Variants in PIGH observed in about 807,000 individuals in gnomAD.
The protein encoded by PIGH is phosphatidylinositol N-acetylglucosaminyltransferase subunit H.
A neutral mutation model predicts 20.1 loss-of-function variants in PIGH; 11 were observed. The ratio of observed to expected loss-of-function variants is 0.55; its 90% CI spans 0.34 to 0.91. The LOEUF (loss-of-function observed/expected upper bound fraction) is 0.91, where lower values mean the gene tolerates loss of function less well. Among genes scored for constraint, PIGH ranks in the 40% least tolerant of loss-of-function variants. The pLI, the probability that PIGH is intolerant of heterozygous loss-of-function variation, is 0.02. For missense variants in PIGH, 189 were observed against 233.6 expected, an observed-to-expected ratio of 0.81 and a Z score of 1.24; for synonymous variants, 72 against 93.1, an observed-to-expected ratio of 0.77 and a Z score of 1.31.
intron 1 of PIGH, among the ~76,000 whole-genome samples, chr14:67,594,328 A>G (rs533554815): frequency 1.3e-5 from 2 of 152,080 alleles, no homozygotes; most frequent in South Asian, 4.2e-4. Flanking sequence ...TAGCTTGGGT[A>G]CCAGCATAAG....
intron 1 of PIGH, among the ~76,000 whole-genome samples, chr14:67,594,709 A>T (rs145744738): frequency 1.3e-5 from 2 of 152,104 alleles, no homozygotes; most frequent in African/African-American, 4.8e-5. Flanking sequence ...TACAGGAGGG[A>T]GTTATGTCCT....
Position 67,589,915 on chromosome 14 carries a change from T to C in PIGH, c.*165A>G, listed in dbSNP as rs920338174. ...AACACTATAATACACGGAAATATAC[T>C]GAGTTAGATTTCCAGTCACCTGCTC... On this transcript the variant is annotated 3_prime_UTR_variant, in exon 4 of 4. Transcript: ENST00000216452. The C allele has an allele frequency of 1.5e-6, 2 of 1,293,220 alleles. No individual in the cohort carries two copies. Among genetic ancestry groups the C allele is most frequent in the Non-Finnish European group, 9.8e-7 (1 of 1,020,114 alleles). 80.1% of individuals were successfully genotyped at this position (1,293,220 alleles called of 1,614,324 possible).
rs114102134 is a variant in PIGH, at chr14:67,590,958, T to C, written c.475-786A>G. Among the ~76,000 whole-genome samples, 618 of 152,158 alleles carry C rather than the reference T, an allele frequency of 4.1e-3. 6 individuals carry two copies. The highest frequency in any genetic ancestry group is 0.014 in the African/African-American group (595 of 41,498). ...AGAAGTGCAGTTTAATATGTAAATA[T>C]TGAAAAATGTTTTACACAATGAAAT... is the stretch of plus-strand genomic sequence containing the variant. On this transcript the variant is annotated intron_variant, in intron 3 of 3. Coordinates refer to ENST00000216452, the MANE Select transcript of PIGH (RefSeq NM_004569.5).
In PIGH at chr14:67,592,721, G is replaced by T; in HGVS notation, c.391-3C>A. 1 of 1,570,272 alleles carries T rather than the reference G, an allele frequency of 6.4e-7. No homozygotes were observed. On this transcript the variant is annotated splice_region_variant and splice_polypyrimidine_tract_variant and intron_variant, in intron 2 of 3. Coordinates refer to ENST00000216452, the MANE Select transcript of PIGH (RefSeq NM_004569.5). ...CAGAGGTAGTAAATCACCTTCTGCT[G>T]TAAGAAAATAAATCAAATAGCAAAG...
At chr14:67,595,622 G>T (rs1270705130) in intron 1 of PIGH, among the ~76,000 whole-genome samples, 1 of 152,192 alleles carries the variant, frequency 6.6e-6, no homozygotes, top group East Asian at 1.9e-4. Flanking sequence ...TCTGCTGGAG[G>T]GGCTTCTGGA....
In PIGH at chr14:67,592,621, T is replaced by C. The variant is rs746644168; in HGVS notation, c.474+14A>G. 3 of 1,512,018 alleles carry C rather than the reference T, an allele frequency of 2.0e-6. No individual in the cohort carries two copies. The highest frequency in any genetic ancestry group is 3.4e-5 in the Admixed American group (2 of 59,370). 93.7% of individuals were successfully genotyped at this position (1,512,018 alleles called of 1,614,324 possible). Reference sequence around the variant, plus strand: ...AGGAGTAATTGGAGAATGGTAAAAGTATTCTATGCTCACCTGGAAGACGGG... The same window carrying C: ...AGGAGTAATTGGAGAATGGTAAAAGCATTCTATGCTCACCTGGAAGACGGG... On this transcript the variant is annotated intron_variant, in intron 3 of 3. Transcript: ENST00000216452.
At chr14:67,592,934 C>G (rs1299245918) in intron 2 of PIGH, among the ~76,000 whole-genome samples, 1 of 152,098 alleles carries the variant, frequency 6.6e-6, no homozygotes, top group Non-Finnish European at 1.5e-5. Flanking sequence ...TACAGGCGCT[C>G]GCCACCATGC....
chr14:67,600,093 C>G lies in PIGH; in HGVS notation c.111G>C (p.Ser37=). 1 of 1,595,174 alleles carries G rather than the reference C, an allele frequency of 6.3e-7. No homozygotes were observed. Among genetic ancestry groups the G allele is most frequent in the Non-Finnish European group, 8.5e-7 (1 of 1,171,258 alleles). ...REFCLSCPRL[S]LRSLTAVTCT... Reference sequence around the variant, plus strand: ...AGGTGACAGCGGTGAGCGAACGCAGCGAGAGCCGAGGGCAGCTGAGGCAGA... The same window carrying G: ...AGGTGACAGCGGTGAGCGAACGCAGGGAGAGCCGAGGGCAGCTGAGGCAGA... The change falls in exon 1 of 4, where the codon TCG becomes TCC. Residue 37 remains serine (S), a synonymous_variant. Transcript: ENST00000216452.
chr14:67,599,948 C>T, intron 1 of PIGH, 76 bp downstream of exon 1: 1 of 1,286,788 alleles, frequency 7.8e-7, no homozygotes, highest in Non-Finnish European at 1.1e-6. Context: ...GGTCCGGGCT[C>T]GACCAAAGAC....
At chr14:67,596,971 G>T (rs1035840777) in intron 1 of PIGH, among the ~76,000 whole-genome samples, 10 of 152,144 alleles carry the variant, frequency 6.6e-5, no homozygotes, top group Non-Finnish European at 1.5e-4. Context: ...ACTAGCTCTG[G>T]TTTTCTTTGA....
chr14:67,600,000 G>A, intron 1 of PIGH, 24 bp downstream of exon 1: 3 of 1,535,380 alleles, frequency 2.0e-6, no homozygotes, highest in East Asian at 2.5e-5. Context: ...CTTCGAGCGC[G>A]GGGAGGGGCC....
rs147315223 is a variant in PIGH at position 67,598,481 on chromosome 14, T to C, written c.180+1543A>G. Reference sequence around the variant, plus strand: ...CTGCTTTGAGACTTTGGATAAGTCATTGCTCTTTGTGAGCCTTGGTTTCCT... The same window carrying C: ...CTGCTTTGAGACTTTGGATAAGTCACTGCTCTTTGTGAGCCTTGGTTTCCT... On this transcript the variant is annotated intron_variant, in intron 1 of 3. Coordinates refer to ENST00000216452, the MANE Select transcript of PIGH (RefSeq NM_004569.5). 4.3e-3 allele frequency among the ~76,000 whole-genome samples: 648 copies of C among 152,156 alleles called. 3 individuals are homozygous for C. Among genetic ancestry groups the C allele is most frequent in the African/African-American group, 0.015 (623 of 41,534 alleles).
chr14:67,598,970 A>G (rs2036523915), intron 1 of PIGH, among the ~76,000 whole-genome samples: 1 of 152,114 alleles, frequency 6.6e-6, no homozygotes, highest in Admixed American at 6.5e-5. Context: ...TCAGCTTCCC[A>G]AAGTGCTGGG....
chr14:67,597,393 G>A (rs551638607), intron 1 of PIGH, among the ~76,000 whole-genome samples: 23 of 152,074 alleles, frequency 1.5e-4, no homozygotes, highest in East Asian at 1.4e-3. Context: ...TAAGAGGATC[G>A]CTTGAGTCCA....
Position 67,592,649 on chromosome 14 carries a change from C to T in PIGH, c.460G>A (p.Val154Ile). 4 of 1,599,384 alleles carry T rather than the reference C, an allele frequency of 2.5e-6. No individual in the cohort carries two copies. The highest frequency in any genetic ancestry group is 3.4e-6 in the Non-Finnish European group (4 of 1,168,218). ...PVEPHGISQV[V>I]PVFQSAKPRL... is the part of the protein sequence containing the mutation. Reference sequence around the variant, plus strand: ...TCTATGCTCACCTGGAAGACGGGTACTACTTGGGATATCCCATGTGGTTCC... The same window carrying T: ...TCTATGCTCACCTGGAAGACGGGTATTACTTGGGATATCCCATGTGGTTCC... Residue 154 changes from valine (V) to isoleucine (I), a missense_variant, in exon 3 of 4, where the codon GTA becomes ATA. Coordinates refer to ENST00000216452, the MANE Select transcript of PIGH (RefSeq NM_004569.5).
intron 1 of PIGH, among the ~76,000 whole-genome samples, chr14:67,596,820 C>T (rs1041797750): frequency 3.3e-5 from 5 of 152,234 alleles, no homozygotes; most frequent in African/African-American, 9.6e-5. Context: ...CTGACTCCCA[C>T]CTTGCTCCTT....
Position 67,600,249 on chromosome 14 carries a change from T to C in PIGH, c.-46A>G. On this transcript the variant is annotated 5_prime_UTR_variant, in exon 1 of 4. Transcript: ENST00000216452. ...CGCACCGCGCGGCGCTGCACTGCGCTCGCCGGCCCTGGCCGTCTCGCCCGC... is the reference window on the plus strand; with the variant it reads ...CGCACCGCGCGGCGCTGCACTGCGCCCGCCGGCCCTGGCCGTCTCGCCCGC... The C allele has an allele frequency of 4.8e-6, 7 of 1,471,366 alleles. No homozygotes were observed. Among genetic ancestry groups the C allele is most frequent in the Non-Finnish European group, 6.3e-6 (7 of 1,108,974 alleles). The allele number at this position is 1,471,366 out of a possible 1,614,324, so 91.1% of individuals were successfully genotyped here.
chr14:67,599,690 A>C (rs1023727102), intron 1 of PIGH, among the ~76,000 whole-genome samples: 2 of 152,198 alleles, frequency 1.3e-5, no homozygotes, highest in African/African-American at 4.8e-5. Flanking sequence ...AACTCTTGGA[A>C]TTAAATTACT....
intron 2 of PIGH, 107 bp from the exon 3 acceptor site, chr14:67,592,825 G>A: frequency 1.4e-6 from 1 of 735,580 alleles, no homozygotes; most frequent in Non-Finnish European, 2.3e-6. Context: ...TCTCTCTGTT[G>A]CCCAAGCTGC....
Sources: allele counts gnomAD v4.1 joint callset (sites outside exome capture counted in the v4.1 genomes callset), GRCh38; gene constraint gnomAD v4.1.1; transcripts MANE v1.5; gene names NCBI Gene and HGNC (gene_info 2026-07-23, HGNC 2026-07-21).